The following COL6A3 variants were observed in gnomAD, a reference collection of about 807,000 sequenced individuals.
The protein encoded by COL6A3 is collagen alpha-3(VI) chain.
COL6A3 carries 137 observed loss-of-function variants against 274.1 expected under a neutral mutation model. That is an observed-to-expected ratio of 0.50 (90% CI 0.44 to 0.58). The LOEUF is 0.58. COL6A3 is among the 20% of genes least tolerant of loss of function. The pLI is 0.00. For synonymous variants in COL6A3, 1,650 were observed against 1,650.6 expected (o/e 1.00, Z 0.01); for missense variants, 3,950 against 4,124.9 (o/e 0.96, Z 1.16).
rs376123972 is a variant in COL6A3, at chr2:237,372,341, C to T, written c.3680-4G>A. 8.9e-5 allele frequency: 143 copies of T among 1,603,602 alleles called. 2 individuals are homozygous for T. Among genetic ancestry groups the T allele is most frequent in the African/African-American group, 5.6e-4 (42 of 75,034 alleles). On this transcript the variant is annotated splice_region_variant and splice_polypyrimidine_tract_variant and intron_variant, in intron 8 of 43. Coordinates refer to ENST00000295550, the MANE Select transcript of COL6A3 (RefSeq NM_004369.4). ...ACGTCCCTCTTGCCACCAACACCTG[C>T]GAAACAAATGTGAGCATGGCTTCAC...
Position 237,365,880 on chromosome 2 carries a change from G to C in COL6A3, c.5656C>G (p.Arg1886Gly), listed in dbSNP as rs1171498423. 2.5e-6 allele frequency: 4 copies of C among 1,614,110 alleles called. No homozygotes were observed. The Admixed American group carries it at 6.7e-5, about 27-fold the overall frequency. ...SCSGGRSPTV[R>G]VSVVANTPSG... is the part of the protein sequence containing the mutation. Reference sequence around the variant, plus strand: ...GGCGTGTTGGCCACCACTGACACACGCACGGTGGGCGAGCGGCCACCGCTG... The same window carrying C: ...GGCGTGTTGGCCACCACTGACACACCCACGGTGGGCGAGCGGCCACCGCTG... The change falls in exon 12 of 44, where the codon CGT (arginine) becomes GGT (glycine). Residue 1886 changes from arginine (R) to glycine (G), a missense_variant. This residue lies in a region of COL6A3 where 632 missense variants were observed against 623.4 expected (regional missense o/e 1.01). Transcript: ENST00000295550.
rs746564243 is a variant in COL6A3 at position 237,366,946 on chromosome 2, G to A, written c.5241C>T (p.Ala1747=). The change falls in exon 11 of 44, where the codon GCC becomes GCT. Residue 1747 remains alanine, a synonymous_variant. Coordinates refer to ENST00000295550, the MANE Select transcript of COL6A3 (RefSeq NM_004369.4). ...SRLDQRVPQI[A]FVITGGKSVE... ...CCGACTTTCCTCCCGTGATCACAAA[G>A]GCAATCTGAGGGACCCGCTGGTCCA... The A allele has an allele frequency of 4.3e-6, 7 of 1,614,250 alleles. No individual in the cohort carries two copies. Among genetic ancestry groups the A allele is most frequent in the Non-Finnish European group, 5.1e-6 (6 of 1,180,048 alleles).
Position 237,365,986 on chromosome 2 carries a change from A to G in COL6A3, c.5550T>C (p.Asn1850=), listed in dbSNP as rs1482232293. 5 of 1,614,012 alleles carry G rather than the reference A, an allele frequency of 3.1e-6. No individual in the cohort carries two copies. Among genetic ancestry groups the G allele is most frequent in the Non-Finnish European group, 4.2e-6 (5 of 1,180,032 alleles). The change falls in exon 12 of 44, where the codon AAT becomes AAC. Residue 1850 remains asparagine, a synonymous_variant. Coordinates refer to ENST00000295550, the MANE Select transcript of COL6A3 (RefSeq NM_004369.4). ...ILGFDGSRDQ[N]VFVAQKGFES... Reference sequence around the variant, plus strand: ...CGAAGCCCTTCTGGGCCACAAAAACATTCTGGTCTCTAGAACCATCAAACC... The same window carrying G: ...CGAAGCCCTTCTGGGCCACAAAAACGTTCTGGTCTCTAGAACCATCAAACC...
At chr2:237,404,255 G>C (rs2078668357) in intron 1 of COL6A3, among the ~76,000 whole-genome samples, 1 of 152,102 alleles carries the variant, frequency 6.6e-6, no homozygotes, top group Non-Finnish European at 1.5e-5. Flanking sequence ...CCACAGTTGA[G>C]TGCAAAATTG....
Position 237,340,990 on chromosome 2 carries a change from T to G in COL6A3, c.7926A>C (p.Ile2642=), listed in dbSNP as rs2076975766. ...LFQFNEMKKY[I]AYLVRQLDMS... is the part of the protein sequence containing the mutation. ...TGTCCAGTTGTCTGACCAGGTACGCTATGTACTTCTTCATCTCATTGAACT... is the reference window on the plus strand; with the variant it reads ...TGTCCAGTTGTCTGACCAGGTACGCGATGTACTTCTTCATCTCATTGAACT... The change falls in exon 38 of 44, where the codon ATA becomes ATC. Residue 2642 remains isoleucine (I), a synonymous_variant. Transcript: ENST00000295550. 2 of 1,614,174 alleles carry G rather than the reference T, an allele frequency of 1.2e-6. No individual in the cohort carries two copies. The highest frequency in any genetic ancestry group is 4.5e-5 in the East Asian group (2 of 44,864).
chr2:237,412,811 G>A (rs946710871), intron 1 of COL6A3, among the ~76,000 whole-genome samples: 19 of 152,082 alleles, frequency 1.2e-4, no homozygotes, highest in Non-Finnish European at 2.2e-4. Context: ...GGTCCTCGCC[G>A]GGGTGAGCTG....
intron 8 of COL6A3, among the ~76,000 whole-genome samples, chr2:237,373,711 C>T (rs182374524): frequency 3.3e-5 from 5 of 151,214 alleles, no homozygotes; most frequent in African/African-American, 1.2e-4. Flanking sequence ...GAACCCCCCC[C>T]ACCCGAGTGA....
chr2:237,340,895 G>A lies in COL6A3; in HGVS notation c.8021C>T (p.Ser2674Phe), dbSNP rs1169456064. The A allele has an allele frequency of 6.2e-7, 1 of 1,613,574 alleles. No homozygotes were observed. Among genetic ancestry groups the A allele is most frequent in the Non-Finnish European group, 8.5e-7 (1 of 1,179,522 alleles). The change falls in exon 38 of 44, where the codon TCC becomes TTC. Residue 2674 changes from serine (S) to phenylalanine (F), a missense_variant. This residue lies in a region of COL6A3 where 1,284 missense variants were observed against 1,349.7 expected (regional missense o/e 0.95). Coordinates refer to ENST00000295550, the MANE Select transcript of COL6A3 (RefSeq NM_004369.4). ...AGGTGGCATGCTGGCATTGTCCACGGACTCAGAGGGCGCGTGCTGCACAAC... is the reference window on the plus strand; with the variant it reads ...AGGTGGCATGCTGGCATTGTCCACGAACTCAGAGGGCGCGTGCTGCACAAC... Reference protein sequence around the residue: ...VAVVQHAPSESVDNASMPPVK... With the variant: ...VAVVQHAPSEFVDNASMPPVK...
chr2:237,379,202 AAAAG>A lies in COL6A3; in HGVS notation c.1927_1930del (p.Leu643TrpfsTer19). The A allele has an allele frequency of 6.2e-7, 1 of 1,614,262 alleles. No individual in the cohort carries two copies. The highest frequency in any genetic ancestry group is 8.5e-7 in the Non-Finnish European group (1 of 1,180,046). ...TTTTCCAACGTTGGCTGATCCATCC[AAAAG>A]AAAGATGATATCCCTTTTGTTTGAG... On this transcript the variant is annotated frameshift_variant, in exon 6 of 44. Coordinates refer to ENST00000295550, the MANE Select transcript of COL6A3 (RefSeq NM_004369.4). LOFTEE classifies it high-confidence loss of function.
At chr2:237,338,975 C>A (rs375142788) in intron 39 of COL6A3, 40 bp downstream of exon 39, 209 of 1,527,842 alleles carry the variant, frequency 1.4e-4, no homozygotes, top group Non-Finnish European at 1.9e-4. Flanking sequence ...GCATTCCCTG[C>A]AGCGCTACAA....
chr2:237,370,240 A>AT (rs753401570), intron 9 of COL6A3, among the ~76,000 whole-genome samples: 1,776 of 126,440 alleles, frequency 0.014, 31 homozygotes, highest in African/African-American at 0.043. Context: ...AACTGGTTTA[A>AT]TTTTTTTTTT....
chr2:237,408,263 G>C (rs989066147), intron 1 of COL6A3, among the ~76,000 whole-genome samples: 10 of 152,190 alleles, frequency 6.6e-5, no homozygotes, highest in African/African-American at 1.2e-4. Flanking sequence ...TGTCAGCAAT[G>C]GTCGGCCAAT....
In COL6A3 at chr2:237,348,333, A is replaced by G. The variant is rs2077137764; in HGVS notation, c.6966+16T>C. The G allele has an allele frequency of 5.0e-6, 8 of 1,604,280 alleles. No individual in the cohort carries two copies. Among genetic ancestry groups the G allele is most frequent in the Admixed American group, 1.7e-5 (1 of 59,992 alleles). ...CCAAAATCATGATGATGCTTCACCG[A>G]CCAGGGATTATTTACCTTTGGTCCT... On this transcript the variant is annotated intron_variant, in intron 30 of 43. Transcript: ENST00000295550.
At chr2:237,329,351 G>A (rs924394532) in intron 42 of COL6A3, 9 of 152,122 alleles carry the variant, frequency 5.9e-5, no homozygotes, top group Admixed American at 2.0e-4. Context: ...CATCACACCC[G>A]GCCAATTTTT....
At chr2:237,390,984 G>A (rs1322749804) in intron 3 of COL6A3, among the ~76,000 whole-genome samples, 1 of 152,158 alleles carries the variant, frequency 6.6e-6, no homozygotes, top group Non-Finnish European at 1.5e-5. Flanking sequence ...CAACAGTGGT[G>A]ATCGTTCATA....
In COL6A3 at chr2:237,333,544, T is replaced by C. The variant is rs575222363; in HGVS notation, c.9234A>G (p.Lys3078=). ...ATYHGSFSTK[K]SQPPPPQPAR... ...CTGGCTGTGGAGGTGGGGGCTGAGATTTCTCTATAAAAGAAAAATATATGC... is the reference window on the plus strand; with the variant it reads ...CTGGCTGTGGAGGTGGGGGCTGAGACTTCTCTATAAAAGAAAAATATATGC... The change falls in exon 42 of 44, where the codon AAA becomes AAG. Residue 3078 remains lysine (K), a synonymous_variant. Coordinates refer to ENST00000295550, the MANE Select transcript of COL6A3 (RefSeq NM_004369.4). The C allele has an allele frequency of 6.2e-7, 1 of 1,613,980 alleles. No homozygotes were observed. The highest frequency in any genetic ancestry group is 8.5e-7 in the Non-Finnish European group (1 of 1,179,916).
At chr2:237,331,226 C>G (rs1700207870) in intron 42 of COL6A3, among the ~76,000 whole-genome samples, 1 of 152,178 alleles carries the variant, frequency 6.6e-6, no homozygotes, top group Admixed American at 6.5e-5. Flanking sequence ...AATATACATG[C>G]AACTACTGAG....
Position 237,369,015 on chromosome 2 carries a change from T to A in COL6A3, c.4448A>T (p.Asp1483Val), listed in dbSNP as rs114736729. ...VRVGVVQFSN[D>V]VFPEFYLKTY... ...TTTCAGATAGAATTCTGGGAAGACA[T>A]CATTGCTGAACTGCACGACCCCAAC... is the stretch of plus-strand genomic sequence containing the variant. Residue 1483 changes from aspartate to valine, a missense_variant, in exon 10 of 44, where the codon GAT (aspartate) becomes GTT (valine). Asp to Val is a radical substitution (Grantham distance 152). Transcript: ENST00000295550. 15 of 1,614,214 alleles carry A rather than the reference T, an allele frequency of 9.3e-6. No homozygotes were observed. Among genetic ancestry groups the A allele is most frequent in the Middle Eastern group, 1.6e-4 (1 of 6,062 alleles).
chr2:237,330,971 G>A (rs1458109162), intron 42 of COL6A3, among the ~76,000 whole-genome samples: 1 of 152,106 alleles, frequency 6.6e-6, no homozygotes, highest in Non-Finnish European at 1.5e-5. Context: ...AGATTCTTAA[G>A]ACAGCATCTT....
Sources: allele counts gnomAD v4.1 joint callset (sites outside exome capture counted in the v4.1 genomes callset), GRCh38; gene constraint gnomAD v4.1.1; regional missense constraint gnomAD v4.1.1; transcripts MANE v1.5; gene names NCBI Gene and HGNC (gene_info 2026-07-23, HGNC 2026-07-21).